LRMDA: variants seen among roughly 807,000 people sequenced by gnomAD.
LRMDA encodes leucine rich melanocyte differentiation associated.
A neutral mutation model predicts 29.8 loss-of-function variants in LRMDA; 18 were observed. The observed-to-expected ratio is 0.60, with a 90% CI of 0.42 to 0.90. The LOEUF is 0.90. Among genes scored for constraint, LRMDA ranks in the 40% least tolerant of loss-of-function variants. The pLI, the probability that LRMDA is intolerant of heterozygous loss-of-function variation, is 0.00. For synonymous variants in LRMDA, 125 were observed against 109.4 expected (o/e 1.14, Z -0.89); for missense variants, 273 against 273.9 (o/e 1.00, Z 0.02).
chr10:75,855,438 G>C (rs1214178677), intron 2 of LRMDA, among the ~76,000 whole-genome samples: 1 of 152,084 alleles, frequency 6.6e-6, no homozygotes, highest in South Asian at 2.1e-4. Context: ...AAATTTGTTG[G>C]AGTTCATTGT....
At chr10:75,857,867 C>T (rs769540220) in intron 2 of LRMDA, among the ~76,000 whole-genome samples, 3 of 152,214 alleles carry the variant, frequency 2.0e-5, no homozygotes, top group Non-Finnish European at 2.9e-5. Flanking sequence ...TGCTGTCTTT[C>T]GCTAATGCTG....
At chr10:75,774,252 T>A (rs1426890846) in intron 2 of LRMDA, among the ~76,000 whole-genome samples, 4 of 152,204 alleles carry the variant, frequency 2.6e-5, no homozygotes, top group Non-Finnish European at 5.9e-5. Context: ...ACATTTTTAT[T>A]TTTAAGTTCT....
At chr10:76,300,412 G>T (rs998404236) in intron 5 of LRMDA, among the ~76,000 whole-genome samples, 1 of 152,194 alleles carries the variant, frequency 6.6e-6, no homozygotes, top group African/African-American at 2.4e-5. Flanking sequence ...CATTGATCAT[G>T]GTAGGAAAGC....
At chr10:75,609,878 A>G (rs867338340) in intron 2 of LRMDA, among the ~76,000 whole-genome samples, 1 of 152,116 alleles carries the variant, frequency 6.6e-6, no homozygotes, top group South Asian at 2.1e-4. Context: ...AGGCTGTTAG[A>G]CTTTATTGGC....
chr10:76,484,528 G>A (rs944773582), intron 6 of LRMDA, among the ~76,000 whole-genome samples: 10 of 151,672 alleles, frequency 6.6e-5, no homozygotes, highest in African/African-American at 9.7e-5. Flanking sequence ...TATGTATTTT[G>A]TTAGATTTAT....
intron 2 of LRMDA, among the ~76,000 whole-genome samples, chr10:76,013,244 T>C (rs1221514433): frequency 6.6e-6 from 1 of 152,006 alleles, no homozygotes; most frequent in Non-Finnish European, 1.5e-5. Context: ...TAATCCCTTC[T>C]TTACTGCTGC....
At chr10:76,380,527 G>A (rs937906433) in intron 6 of LRMDA, among the ~76,000 whole-genome samples, 3 of 151,844 alleles carry the variant, frequency 2.0e-5, no homozygotes, top group African/African-American at 7.3e-5. Context: ...AAATTAGTCG[G>A]GCGTGGTGGC....
At chr10:76,041,845 G>A (rs1421142828) in intron 3 of LRMDA, among the ~76,000 whole-genome samples, 1 of 152,100 alleles carries the variant, frequency 6.6e-6, no homozygotes, top group Non-Finnish European at 1.5e-5. Context: ...ACTTGATAAG[G>A]GAAACCAGGT....
At chr10:76,475,683 A>T (rs977329152) in intron 6 of LRMDA, among the ~76,000 whole-genome samples, 1 of 152,144 alleles carries the variant, frequency 6.6e-6, no homozygotes, top group Non-Finnish European at 1.5e-5. Flanking sequence ...AAAGAACAGA[A>T]ATTATAACAA....
chr10:75,706,912 A>G (rs1307852884), intron 2 of LRMDA, among the ~76,000 whole-genome samples: 1 of 152,130 alleles, frequency 6.6e-6, no homozygotes, highest in Non-Finnish European at 1.5e-5. Context: ...TTGGATAAGC[A>G]TTAGATGGTG....
At chr10:75,668,521 C>T (rs1160682322) in intron 2 of LRMDA, among the ~76,000 whole-genome samples, 1 of 152,176 alleles carries the variant, frequency 6.6e-6, no homozygotes, top group Non-Finnish European at 1.5e-5. Flanking sequence ...TCGGTTTTGT[C>T]TCCAAGTGTA....
intron 5 of LRMDA, among the ~76,000 whole-genome samples, chr10:76,212,267 A>ACACAC (rs1554855258): frequency 7.1e-6 from 1 of 141,826 alleles, no homozygotes; most frequent in Non-Finnish European, 1.5e-5. Flanking sequence ...ACACACACAC[A>ACACAC]TAAAAAAAAA....
intron 5 of LRMDA, among the ~76,000 whole-genome samples, chr10:76,315,113 C>T (rs1033094687): frequency 1.3e-5 from 2 of 152,238 alleles, no homozygotes; most frequent in Non-Finnish European, 2.9e-5. Flanking sequence ...CACATACTAG[C>T]TGGGTTTTCT....
intron 6 of LRMDA, among the ~76,000 whole-genome samples, chr10:76,488,085 C>A (rs1250188612): frequency 1.3e-5 from 2 of 151,762 alleles, no homozygotes; most frequent in African/African-American, 4.8e-5. Flanking sequence ...TCTGTAACTA[C>A]AAGACCAGTT....
chr10:76,386,930 G>A (rs1841666685), intron 6 of LRMDA, among the ~76,000 whole-genome samples: 1 of 151,926 alleles, frequency 6.6e-6, no homozygotes, highest in South Asian at 2.1e-4. Flanking sequence ...AGAAATGCAA[G>A]TAAACATAAA....
At chr10:75,886,036 A>C (rs987003833) in intron 2 of LRMDA, among the ~76,000 whole-genome samples, 1 of 152,246 alleles carries the variant, frequency 6.6e-6, no homozygotes, top group Admixed American at 6.5e-5. Context: ...CCTGGAAAAG[A>C]GAAGAAAGTA....
chr10:76,344,528 A>G (rs996462473), intron 6 of LRMDA, among the ~76,000 whole-genome samples: 5 of 152,170 alleles, frequency 3.3e-5, no homozygotes, highest in African/African-American at 9.6e-5. Flanking sequence ...TCCGTTTTAA[A>G]CTAGAAAAAC....
At chr10:76,105,106 C>G (rs1233191336) in intron 5 of LRMDA, among the ~76,000 whole-genome samples, 1 of 152,160 alleles carries the variant, frequency 6.6e-6, no homozygotes, top group Non-Finnish European at 1.5e-5. Context: ...ACCAATATCA[C>G]CTTGGCAGCC....
intron 6 of LRMDA, among the ~76,000 whole-genome samples, chr10:76,475,465 C>A (rs993773806): frequency 6.6e-6 from 1 of 151,866 alleles, no homozygotes; most frequent in Admixed American, 6.6e-5. Flanking sequence ...CTTTAACACC[C>A]CACTGTTAAC....
Sources: allele counts gnomAD v4.1 joint callset (sites outside exome capture counted in the v4.1 genomes callset), GRCh38; gene constraint gnomAD v4.1.1; transcripts MANE v1.5; gene names NCBI Gene and HGNC (gene_info 2026-07-23, HGNC 2026-07-21).